Variants in CHP1 observed in about 807,000 individuals in gnomAD.
The protein encoded by CHP1 is calcineurin like EF-hand protein 1, also known as calcineurin B homologous protein 1.
CHP1 carries 11 observed loss-of-function variants against 27.4 expected under a neutral mutation model. The ratio of observed to expected loss-of-function variants is 0.40; its 90% CI spans 0.25 to 0.67. The LOEUF is 0.67. CHP1 is among the 30% of genes least tolerant of loss of function. The probability of loss-of-function intolerance (pLI) is 0.38; values close to 1 mark genes in which losing one functional copy is unlikely to be tolerated. For missense variants in CHP1, 169 were observed against 251.3 expected (o/e 0.67, Z 2.22); for synonymous variants, 89 against 87.4 (o/e 1.02, Z -0.10).
intron 5 of CHP1, among the ~76,000 whole-genome samples, chr15:41,274,927 A>C (rs2047512216): frequency 6.7e-6 from 1 of 149,738 alleles, no homozygotes; most frequent in Admixed American, 6.8e-5. Context: ...AGTAGCTGGG[A>C]TTATAGGCGC....
rs1315145890 is a variant in CHP1 at position 41,277,665 on chromosome 15, G to T, written c.412-1102G>T. On this transcript the variant is annotated intron_variant, in intron 5 of 6. Coordinates refer to ENST00000334660, the MANE Select transcript of CHP1 (RefSeq NM_007236.5). ...TAGCTGGGTGTGGTGTCACATCCCT[G>T]TAATCCCAGCTACTCGGGAGGCCGA... Among the ~76,000 whole-genome samples the T allele has an allele frequency of 2.6e-5, 4 of 152,116 alleles. No homozygotes were observed. In the East Asian group the frequency reaches 7.7e-4, roughly 29 times the overall value.
chr15:41,263,702 T>C (rs969405413), intron 4 of CHP1, among the ~76,000 whole-genome samples: 2 of 151,976 alleles, frequency 1.3e-5, no homozygotes, highest in Non-Finnish European at 1.5e-5. Context: ...TGGTGAAACA[T>C]TGTCTCTAAT....
At chr15:41,252,200 A>T (rs1425561824) in intron 2 of CHP1, among the ~76,000 whole-genome samples, 1 of 149,682 alleles carries the variant, frequency 6.7e-6, no homozygotes, top group African/African-American at 2.5e-5. Flanking sequence ...TTTGAGACAG[A>T]GTCTCGCTCT....
At chr15:41,274,101 T>C (rs1481942304) in intron 5 of CHP1, among the ~76,000 whole-genome samples, 3 of 151,812 alleles carry the variant, frequency 2.0e-5, no homozygotes, top group African/African-American at 4.8e-5. Flanking sequence ...GCTGGGACTA[T>C]AGGCACCTGC....
intron 5 of CHP1, among the ~76,000 whole-genome samples, chr15:41,274,335 G>C (rs1269559055): frequency 6.6e-6 from 1 of 152,182 alleles, no homozygotes; most frequent in African/African-American, 2.4e-5. Flanking sequence ...GGAGGCCTGG[G>C]CAGATAGCTC....
rs549858826 is a variant in CHP1, at chr15:41,253,119, A to G, written c.141-3791A>G. On this transcript the variant is annotated intron_variant, in intron 2 of 6. Coordinates refer to ENST00000334660, the MANE Select transcript of CHP1 (RefSeq NM_007236.5). ...ATGCCCAGCTAATTTTTGTGTTTTTAGTAGAGACGGGGTTTCACCATGTTG... is the reference window on the plus strand; with the variant it reads ...ATGCCCAGCTAATTTTTGTGTTTTTGGTAGAGACGGGGTTTCACCATGTTG... Among the ~76,000 whole-genome samples the G allele has an allele frequency of 2.0e-5, 3 of 151,026 alleles. No homozygotes were observed. The East Asian group carries it at 5.9e-4, about 30-fold the overall frequency.
intron 4 of CHP1, among the ~76,000 whole-genome samples, chr15:41,270,167 C>A (rs1391480899): frequency 6.6e-6 from 1 of 152,026 alleles, no homozygotes; most frequent in African/African-American, 2.4e-5. Flanking sequence ...TCTCATGGTG[C>A]CTGTGTGGTG....
chr15:41,258,547 A>G (rs2047414608), intron 3 of CHP1, among the ~76,000 whole-genome samples: 1 of 152,086 alleles, frequency 6.6e-6, no homozygotes, highest in Admixed American at 6.6e-5. Flanking sequence ...TACTTTCGTG[A>G]TATTGAATAA....
chr15:41,238,962 T>G (rs1595470510), intron 1 of CHP1, among the ~76,000 whole-genome samples: 2 of 152,216 alleles, frequency 1.3e-5, no homozygotes, highest in African/African-American at 4.8e-5. Context: ...GGCACCTATC[T>G]GACTAGCTTA....
At chr15:41,239,863 G>A (rs577799537) in intron 1 of CHP1, among the ~76,000 whole-genome samples, 13 of 151,708 alleles carry the variant, frequency 8.6e-5, no homozygotes, top group African/African-American at 1.2e-4. Context: ...TGCAAGCTCC[G>A]CCTCCCAGGT....
Position 41,243,656 on chromosome 15 carries a change from G to C in CHP1, c.68-11G>C. 1.2e-6 allele frequency: 2 copies of C among 1,613,646 alleles called. No homozygotes were observed. Among genetic ancestry groups the C allele is most frequent in the Non-Finnish European group, 1.7e-6 (2 of 1,179,682 alleles). On this transcript the variant is annotated splice_polypyrimidine_tract_variant and intron_variant, in intron 1 of 6. Coordinates refer to ENST00000334660, the MANE Select transcript of CHP1 (RefSeq NM_007236.5). ...CTTCCCCCGAGCTGGGACTAATTTT[G>C]TGCTCTTTAGTTTCCCACAGTCAAA...
chr15:41,231,311 T>C lies in CHP1; in HGVS notation c.-72T>C. 1 of 1,437,136 alleles carries C rather than the reference T, an allele frequency of 7.0e-7. No individual in the cohort carries two copies. The highest frequency in any genetic ancestry group is 9.6e-7 in the Non-Finnish European group (1 of 1,042,134). 89.0% of individuals were successfully genotyped at this position (1,437,136 alleles called of 1,614,324 possible). Reference sequence around the variant, plus strand: ...TCCCTTCTTGACCCCTAGCCCTTCCTTCCCTCCCTCCTTCCCTCCTGTCGC... The same window carrying C: ...TCCCTTCTTGACCCCTAGCCCTTCCCTCCCTCCCTCCTTCCCTCCTGTCGC... On this transcript the variant is annotated 5_prime_UTR_variant, in exon 1 of 7. Coordinates refer to ENST00000334660, the MANE Select transcript of CHP1 (RefSeq NM_007236.5).
At position 41,281,553 on chromosome 15, in the gene CHP1, A is replaced by G. The variant is rs1294948387; in HGVS notation, c.*2164A>G. Reference sequence around the variant, plus strand: ...GAAAACTATTGAAGATTGCTAAAAAATACCACTGCAAAGTGATGGAAAAGG... The same window carrying G: ...GAAAACTATTGAAGATTGCTAAAAAGTACCACTGCAAAGTGATGGAAAAGG... On this transcript the variant is annotated 3_prime_UTR_variant, in exon 7 of 7. Transcript: ENST00000334660. The G allele has an allele frequency of 6.5e-6, 1 of 152,682 alleles. No homozygotes were observed. The highest frequency in any genetic ancestry group is 2.4e-5 in the African/African-American group (1 of 41,468). The allele number at this position is 152,682 out of a possible 1,614,324, so 9.5% of individuals were successfully genotyped here.
intron 3 of CHP1, among the ~76,000 whole-genome samples, chr15:41,259,359 T>C (rs915783113): frequency 2.0e-5 from 3 of 152,138 alleles, no homozygotes; most frequent in African/African-American, 7.2e-5. Context: ...TGTCCACCAA[T>C]CTACTGCTAA....
intron 2 of CHP1, among the ~76,000 whole-genome samples, chr15:41,249,515 C>T (rs966134166): frequency 7.5e-6 from 1 of 133,592 alleles, no homozygotes; most frequent in Admixed American, 8.4e-5. Flanking sequence ...CTCTGTCGTC[C>T]AGGCTGGAGT....
At chr15:41,235,835 C>A (rs1276900563) in intron 1 of CHP1, among the ~76,000 whole-genome samples, 1 of 152,192 alleles carries the variant, frequency 6.6e-6, no homozygotes, top group Non-Finnish European at 1.5e-5. Context: ...ATGTAGGACC[C>A]TTCACAGCCC....
chr15:41,234,578 T>A (rs1037332900), intron 1 of CHP1, among the ~76,000 whole-genome samples: 1 of 152,196 alleles, frequency 6.6e-6, no homozygotes, highest in Non-Finnish European at 1.5e-5. Context: ...TCTACATGAC[T>A]AGATTAGCTG....
intron 5 of CHP1, among the ~76,000 whole-genome samples, chr15:41,275,238 A>C (rs528407276): frequency 1.5e-4 from 22 of 151,528 alleles, no homozygotes; most frequent in African/African-American, 5.1e-4. Flanking sequence ...GCTCACTGCA[A>C]CCTCCACCTT....
chr15:41,273,467 C>T (rs150514724), intron 5 of CHP1, among the ~76,000 whole-genome samples: 8 of 151,918 alleles, frequency 5.3e-5, no homozygotes, highest in South Asian at 2.1e-4. Context: ...CTGTAACATC[C>T]GCCTCCCAAG....
Sources: gnomAD v4.1 joint callset for allele counts (sites outside exome capture counted in the v4.1 genomes callset) on GRCh38, gnomAD v4.1.1 for gene constraint, MANE v1.5 for transcripts, NCBI Gene and HGNC (gene_info 2026-07-23, HGNC 2026-07-21) for gene names.